SNX29: variants seen among roughly 807,000 people sequenced by gnomAD.
SNX29 encodes the protein sorting nexin-29.
A neutral mutation model predicts 102.1 loss-of-function variants in SNX29; 78 were observed. The observed-to-expected ratio is 0.76, with a 90% CI of 0.64 to 0.92. The LOEUF (loss-of-function observed/expected upper bound fraction) is 0.92, where lower values mean the gene tolerates loss of function less well. Among genes scored for constraint, SNX29 ranks in the 40% least tolerant of loss-of-function variants. The probability of loss-of-function intolerance (pLI) is 0.00; values close to 1 mark genes in which losing one functional copy is unlikely to be tolerated. For synonymous variants in SNX29, 580 were observed against 414.5 expected (o/e 1.40, Z -4.85); for missense variants, 1,280 against 1,061.7 (o/e 1.21, Z -2.86).
intron 14 of SNX29, among the ~76,000 whole-genome samples, chr16:12,246,511 C>G (rs1292142258): frequency 6.6e-6 from 1 of 152,104 alleles, no homozygotes; most frequent in African/African-American, 2.4e-5. Context: ...TGTAGTGGCA[C>G]ACTCCTGTAA....
chr16:12,380,878 C>T (rs1312004564), intron 16 of SNX29, among the ~76,000 whole-genome samples: 2 of 76,830 alleles, frequency 2.6e-5, no homozygotes, highest in African/African-American at 8.0e-5. Flanking sequence ...TCTATCCATC[C>T]ACCCACCATC....
At chr16:12,125,364 C>T (rs1159006833) in intron 11 of SNX29, among the ~76,000 whole-genome samples, 2 of 152,064 alleles carry the variant, frequency 1.3e-5, no homozygotes, top group Non-Finnish European at 2.9e-5. Flanking sequence ...AAAAGATTCC[C>T]ACTACCAGAG....
At chr16:12,049,827 G>C (rs1284070017) in intron 7 of SNX29, among the ~76,000 whole-genome samples, 3 of 152,112 alleles carry the variant, frequency 2.0e-5, no homozygotes, top group Non-Finnish European at 1.5e-5. Context: ...ATGTTGCCCA[G>C]GCTGGTCTTG....
intron 18 of SNX29, among the ~76,000 whole-genome samples, chr16:12,469,812 A>AC (rs1294948697): frequency 6.6e-6 from 1 of 152,158 alleles, no homozygotes; most frequent in African/African-American, 2.4e-5. Context: ...GGAGTTCAAG[A>AC]CCAGCCTGGC....
chr16:12,348,973 AGC>A (rs1177280827), intron 15 of SNX29, among the ~76,000 whole-genome samples: 1 of 152,150 alleles, frequency 6.6e-6, no homozygotes, highest in East Asian at 1.9e-4. Flanking sequence ...CTGGGAAGAC[AGC>A]GCCCTTAGTT....
chr16:12,569,732 C>T lies in SNX29; in HGVS notation c.*1103C>T, dbSNP rs564130472. 4.5e-4 allele frequency: 104 copies of T among 230,602 alleles called. No homozygotes were observed. Among genetic ancestry groups the T allele is most frequent in the African/African-American group, 1.7e-3 (75 of 45,290 alleles). The allele number at this position is 230,602 out of a possible 1,614,324, so 14.3% of individuals were successfully genotyped here. A position where few individuals can be genotyped will look rare whatever the true frequency, so the allele number is the denominator to read the frequency against. ...GATGGGGACCAGCAGCTGGGCAGCC[C>T]CCAGGGCTCCTCCTCCAGTGAGCTC... is the stretch of plus-strand genomic sequence containing the variant. On this transcript the variant is annotated 3_prime_UTR_variant, in exon 21 of 21. Transcript: ENST00000566228.
In SNX29 at chr16:12,052,058, C is replaced by T. The variant is rs1171091357; in HGVS notation, c.960C>T (p.Ser320=). The stretch of plus-strand genomic sequence containing the variant: ...GGCCTAACTCCAATGGAAGTCAGAG[C>T]AGCAACTCATGGAAAATTGATTCCC... ...PFGPNSNGSQ[S]SNSWKIDSLS... is the part of the protein sequence containing the mutation. The change falls in exon 8 of 21, where the codon AGC becomes AGT. Residue 320 remains serine, a synonymous_variant. Coordinates refer to ENST00000566228, the MANE Select transcript of SNX29 (RefSeq NM_032167.5). 1 of 1,613,948 alleles carries T rather than the reference C, an allele frequency of 6.2e-7. No homozygotes were observed. Among genetic ancestry groups the T allele is most frequent in the Admixed American group, 1.7e-5 (1 of 60,006 alleles).
At position 12,571,791 on chromosome 16, in the gene SNX29, C is replaced by T. The variant is rs2079193188; in HGVS notation, c.*3162C>T. On this transcript the variant is annotated 3_prime_UTR_variant, in exon 21 of 21. Transcript: ENST00000566228. ...GACAGAACCTTCTCCGCCACTCTTC[C>T]TGCAATCAGTGTGAAATTCCAGCTT... The T allele has an allele frequency of 3.0e-6, 3 of 1,014,570 alleles. No homozygotes were observed. Among genetic ancestry groups the T allele is most frequent in the East Asian group, 5.1e-5 (1 of 19,456 alleles). The allele number at this position is 1,014,570 out of a possible 1,614,324, so 62.8% of individuals were successfully genotyped here.
At chr16:12,157,184 C>T (rs1243572349) in intron 13 of SNX29, among the ~76,000 whole-genome samples, 1 of 152,126 alleles carries the variant, frequency 6.6e-6, no homozygotes, top group Non-Finnish European at 1.5e-5. Context: ...GGCATTCATC[C>T]ACCAACATCC....
chr16:12,405,136 T>A lies in SNX29; in HGVS notation c.2037+1607T>A, dbSNP rs189877984. Among the ~76,000 whole-genome samples, 516 of 152,306 alleles carry A rather than the reference T, an allele frequency of 3.4e-3. 17 individuals are homozygous for A. Among genetic ancestry groups the A allele is most frequent in the Admixed American group, 0.031 (468 of 15,292 alleles). ...CCCTTCAAGTTCTGCATTGTGGTCA[T>A]CAGAGAGCTGGAAGGTGCAGCCTGG... is the stretch of plus-strand genomic sequence containing the variant. On this transcript the variant is annotated intron_variant, in intron 18 of 20. Coordinates refer to ENST00000566228, the MANE Select transcript of SNX29 (RefSeq NM_032167.5).
intron 13 of SNX29, among the ~76,000 whole-genome samples, chr16:12,190,938 C>G (rs908670243): frequency 6.6e-6 from 1 of 152,108 alleles, no homozygotes; most frequent in African/African-American, 2.4e-5. Flanking sequence ...CGCTGGCTGG[C>G]TGGGTTTATT....
intron 14 of SNX29, among the ~76,000 whole-genome samples, chr16:12,236,682 C>G (rs974701485): frequency 4.6e-5 from 7 of 152,244 alleles, no homozygotes; most frequent in Admixed American, 4.6e-4. Context: ...TGATTGAAGA[C>G]TCCCTATGTG....
chr16:12,565,148 G>C (rs2078943966), intron 20 of SNX29, among the ~76,000 whole-genome samples: 1 of 151,940 alleles, frequency 6.6e-6, no homozygotes, highest in African/African-American at 2.4e-5. Flanking sequence ...CACTTCCTTT[G>C]CCAGTTTACA....
intron 20 of SNX29, among the ~76,000 whole-genome samples, chr16:12,561,732 G>A (rs891388517): frequency 6.6e-6 from 1 of 152,290 alleles, no homozygotes; most frequent in East Asian, 1.9e-4. Context: ...CTAGCAGCAG[G>A]GAGGATGGAG....
intron 15 of SNX29, among the ~76,000 whole-genome samples, chr16:12,301,926 G>C (rs546340243): frequency 6.6e-6 from 1 of 152,112 alleles, no homozygotes; most frequent in African/African-American, 2.4e-5. Context: ...CTAACATTGC[G>C]GCTGCTGGTC....
intron 19 of SNX29, among the ~76,000 whole-genome samples, chr16:12,522,426 T>C (rs1358682273): frequency 5.9e-5 from 9 of 152,164 alleles, no homozygotes; most frequent in African/African-American, 1.7e-4. Context: ...ATTTTGATTT[T>C]TGATTTGTTT....
chr16:12,061,558 G>T lies in SNX29; in HGVS notation c.1155G>T (p.Gln385His). The change falls in exon 9 of 21, where the codon CAG becomes CAT. Residue 385 changes from glutamine (Q) to histidine (H), a missense_variant. Transcript: ENST00000566228. The stretch of plus-strand genomic sequence containing the variant: ...TGGAAGGGAACACCTGCCTCTCCCA[G>T]ATGCACAGCTGGGCTCCGCTGAAGG... ...KPLEGNTCLS[Q>H]MHSWAPLKVL... 1 of 1,609,618 alleles carries T rather than the reference G, an allele frequency of 6.2e-7. No homozygotes were observed. The highest frequency in any genetic ancestry group is 8.5e-7 in the Non-Finnish European group (1 of 1,178,482).
At chr16:12,199,332 G>C (rs1246976221) in intron 13 of SNX29, among the ~76,000 whole-genome samples, 2 of 152,158 alleles carry the variant, frequency 1.3e-5, no homozygotes, top group African/African-American at 4.8e-5. Context: ...AGCACAGCCT[G>C]TGTCTGTGTT....
intron 11 of SNX29, among the ~76,000 whole-genome samples, chr16:12,120,162 A>C (rs1190659058): frequency 6.6e-6 from 1 of 152,210 alleles, no homozygotes; most frequent in Non-Finnish European, 1.5e-5. Flanking sequence ...GATAAAAGGA[A>C]AGGGAGTGGG....
Sources: gnomAD v4.1 joint callset for allele counts (sites outside exome capture counted in the v4.1 genomes callset) on GRCh38, gnomAD v4.1.1 for gene constraint, MANE v1.5 for transcripts, NCBI Gene and HGNC (gene_info 2026-07-23, HGNC 2026-07-21) for gene names.